The following ADAMTSL3 variants were observed in gnomAD, a reference collection of about 807,000 sequenced individuals.
ADAMTSL3 encodes ADAMTS-like protein 3.
Under a neutral mutation model 201.7 loss-of-function variants are expected in ADAMTSL3, and 128 were observed. The ratio of observed to expected loss-of-function variants is 0.63; its 90% CI spans 0.55 to 0.73. The LOEUF (loss-of-function observed/expected upper bound fraction) is 0.73. Among genes scored for constraint, ADAMTSL3 ranks in the 30% least tolerant of loss-of-function variants. The pLI, the probability that ADAMTSL3 is intolerant of heterozygous loss-of-function variation, is 0.00. For missense variants in ADAMTSL3, 1,990 were observed against 2,119.6 expected (o/e 0.94, Z 1.20); for synonymous variants, 738 against 748.4 (o/e 0.99, Z 0.23).
At chr15:84,008,916 T>C (rs2067951495) in intron 23 of ADAMTSL3, among the ~76,000 whole-genome samples, 1 of 152,162 alleles carries the variant, frequency 6.6e-6, no homozygotes, top group Admixed American at 6.5e-5. Context: ...CGGTTTTTAC[T>C]CGCTTTCCTC....
chr15:84,002,205 C>G (rs368839961), intron 23 of ADAMTSL3, among the ~76,000 whole-genome samples: 1 of 152,004 alleles, frequency 6.6e-6, no homozygotes, highest in Non-Finnish European at 1.5e-5. Context: ...ATATGCAATA[C>G]GAAAAAACAG....
chr15:83,833,402 A>G lies in ADAMTSL3; in HGVS notation c.601-4687A>G, dbSNP rs138351669. 7.3e-3 allele frequency among the ~76,000 whole-genome samples: 1,104 copies of G among 152,168 alleles called. 10 individuals carry two copies. Among genetic ancestry groups the G allele is most frequent in the African/African-American group, 0.026 (1,066 of 41,520 alleles). On this transcript the variant is annotated intron_variant, in intron 6 of 29. Transcript: ENST00000286744. The stretch of plus-strand genomic sequence containing the variant: ...GGGAGGTATCCAGGGTATTTTTTAT[A>G]AGGGTACTAATCCTATTCATGAGGT...
intron 3 of ADAMTSL3, among the ~76,000 whole-genome samples, chr15:83,756,410 G>A (rs1041816470): frequency 1.3e-5 from 2 of 152,156 alleles, no homozygotes; most frequent in African/African-American, 4.8e-5. Context: ...TATTTGTGCA[G>A]GGGTACTCCC....
intron 19 of ADAMTSL3, chr15:83,962,503 C>T (rs1165295564): frequency 1.3e-5 from 2 of 152,158 alleles, no homozygotes; most frequent in African/African-American, 2.4e-5. Flanking sequence ...ATCAAACATT[C>T]AACAACTCTA....
chr15:83,867,767 G>T (rs547728876), intron 8 of ADAMTSL3, among the ~76,000 whole-genome samples: 1 of 152,268 alleles, frequency 6.6e-6, no homozygotes, highest in African/African-American at 2.4e-5. Flanking sequence ...AATTTAGGGA[G>T]ACCTCTTGGG....
intron 3 of ADAMTSL3, among the ~76,000 whole-genome samples, chr15:83,728,955 T>G (rs73454643): frequency 2.4e-4 from 37 of 152,226 alleles, no homozygotes; most frequent in African/African-American, 7.9e-4. Context: ...ATGAAATCTC[T>G]CAGTTTTTGT....
intron 9 of ADAMTSL3, among the ~76,000 whole-genome samples, chr15:83,881,196 T>G (rs549518801): frequency 6.6e-6 from 1 of 152,260 alleles, no homozygotes; most frequent in African/African-American, 2.4e-5. Flanking sequence ...CAACAAAGAA[T>G]TGAAATAACT....
chr15:83,959,519 C>T (rs2066921835), intron 19 of ADAMTSL3, among the ~76,000 whole-genome samples: 1 of 152,170 alleles, frequency 6.6e-6, no homozygotes, highest in African/African-American at 2.4e-5. Flanking sequence ...GACTTCTCAA[C>T]AATACCACTT....
chr15:83,804,704 T>C lies in ADAMTSL3; in HGVS notation c.363+9T>C, dbSNP rs1160274810. 2 of 1,573,422 alleles carry C rather than the reference T, an allele frequency of 1.3e-6. No homozygotes were observed. The highest frequency in any genetic ancestry group is 3.7e-5 in the Admixed American group (2 of 53,826). ...AGACATGCAGCAATCATGTAAGTCA[T>C]AAAATAAAATTATTTTATCCAATAC... On this transcript the variant is annotated intron_variant, in intron 5 of 29. Coordinates refer to ENST00000286744, the MANE Select transcript of ADAMTSL3 (RefSeq NM_207517.3).
At chr15:83,782,915 T>C (rs1177533296) in intron 4 of ADAMTSL3, among the ~76,000 whole-genome samples, 1 of 5,556 alleles carries the variant, frequency 1.8e-4, no homozygotes, top group Non-Finnish European at 3.3e-4. Flanking sequence ...GGATAGCGTA[T>C]ATATATATAT....
intron 3 of ADAMTSL3, among the ~76,000 whole-genome samples, chr15:83,741,560 T>C (rs1190329580): frequency 6.6e-6 from 1 of 152,162 alleles, no homozygotes; most frequent in African/African-American, 2.4e-5. Flanking sequence ...TGTGAAATTA[T>C]AAGAAATAAG....
At position 84,016,432 on chromosome 15, in the gene ADAMTSL3, G is replaced by T; in HGVS notation, c.4206G>T (p.Lys1402Asn). 1 of 1,613,946 alleles carries T rather than the reference G, an allele frequency of 6.2e-7. No homozygotes were observed. Among genetic ancestry groups the T allele is most frequent in the Non-Finnish European group, 8.5e-7 (1 of 1,179,960 alleles). The stretch of plus-strand genomic sequence containing the variant: ...TCGTATTTCTGCAAGGACATAAAAA[G>T]TACATTCTCCAGGCAACCAACACTA... ...SRIVFLQGHK[K>N]YILQATNTRT... The change falls in exon 25 of 30, where the codon AAG becomes AAT. Residue 1402 changes from lysine (K) to asparagine (N), a missense_variant. Transcript: ENST00000286744.
At chr15:83,913,447 A>T in intron 16 of ADAMTSL3, 69 bp downstream of exon 16, 1 of 1,508,010 alleles carries the variant, frequency 6.6e-7, no homozygotes. Flanking sequence ...TTACTCAATC[A>T]GGTAAGCCAA....
intron 3 of ADAMTSL3, among the ~76,000 whole-genome samples, chr15:83,715,954 C>T (rs1208502348): frequency 6.6e-6 from 1 of 152,188 alleles, no homozygotes; most frequent in African/African-American, 2.4e-5. Context: ...TCAGTGAAGT[C>T]CTCAGCCTAA....
At chr15:83,692,799 AAAAC>A (rs1288114486) in intron 2 of ADAMTSL3, among the ~76,000 whole-genome samples, 1 of 152,180 alleles carries the variant, frequency 6.6e-6, no homozygotes, top group African/African-American at 2.4e-5. Flanking sequence ...AAAGCTTAGA[AAAAC>A]AAACCAGCTT....
intron 2 of ADAMTSL3, among the ~76,000 whole-genome samples, chr15:83,688,773 C>CACACACACACACAT (rs2061572529): frequency 2.0e-5 from 3 of 151,670 alleles, no homozygotes; most frequent in Non-Finnish European, 4.4e-5. Context: ...CACACACACA[C>CACACACACACACAT]ACACACACAT....
At chr15:83,812,829 G>A (rs1350711989) in intron 5 of ADAMTSL3, among the ~76,000 whole-genome samples, 1 of 152,182 alleles carries the variant, frequency 6.6e-6, no homozygotes, top group Admixed American at 6.5e-5. Flanking sequence ...ATTATTCTAA[G>A]TGCCATTTCA....
At chr15:83,720,586 CA>C (rs2062086842) in intron 3 of ADAMTSL3, among the ~76,000 whole-genome samples, 1 of 152,138 alleles carries the variant, frequency 6.6e-6, no homozygotes, top group South Asian at 2.1e-4. Flanking sequence ...CGGTTGGTGA[CA>C]AAAGGTTTTT....
At position 84,026,404 on chromosome 15, in the gene ADAMTSL3, C is replaced by T. The variant is rs562347036; in HGVS notation, c.4656+968C>T. On this transcript the variant is annotated intron_variant, in intron 27 of 29. Coordinates refer to ENST00000286744, the MANE Select transcript of ADAMTSL3 (RefSeq NM_207517.3). ...AATTTATCTACAAATTCAATGTGAT[C>T]GCTATCAAAATTTTATCTGGTTTCT... 1.1e-4 allele frequency among the ~76,000 whole-genome samples: 16 copies of T among 152,264 alleles called. No homozygotes were observed. In the South Asian group the frequency reaches 2.1e-3, roughly 20 times the overall value.
Sources: gnomAD v4.1 joint callset for allele counts (sites outside exome capture counted in the v4.1 genomes callset) on GRCh38, gnomAD v4.1.1 for gene constraint, MANE v1.5 for transcripts, NCBI Gene and HGNC (gene_info 2026-07-23, HGNC 2026-07-21) for gene names.